The following SOX5 variants were observed in gnomAD, a reference collection of about 807,000 sequenced individuals.
SOX5 encodes the protein SRY-box transcription factor 5.
Under a neutral mutation model 92.0 loss-of-function variants are expected in SOX5, and 9 were observed. The ratio of observed to expected loss-of-function variants is 0.10; its 90% CI spans 0.06 to 0.17. SOX5 has a LOEUF of 0.17. Among genes scored for constraint, SOX5 ranks in the 10% least tolerant of loss-of-function variants. SOX5 has a pLI of 1.00. For synonymous variants in SOX5, 344 were observed against 336.3 expected (o/e 1.02, Z -0.25); for missense variants, 642 against 944.5 (o/e 0.68, Z 4.20).
intron 4 of SOX5, among the ~76,000 whole-genome samples, chr12:24,179,088 A>G (rs1370460402): frequency 6.6e-6 from 1 of 152,240 alleles, no homozygotes; most frequent in Non-Finnish European, 1.5e-5. Flanking sequence ...CTCTAATTAG[A>G]TATCTCAAAT....
chr12:24,349,710 T>G (rs1953827612), intron 2 of SOX5, among the ~76,000 whole-genome samples: 1 of 152,236 alleles, frequency 6.6e-6, no homozygotes, highest in South Asian at 2.1e-4. Context: ...GCCTCTACTT[T>G]TAGCTATTGT....
At chr12:23,637,928 A>G (rs1342183063) in intron 8 of SOX5, 1 of 152,376 alleles carries the variant, frequency 6.6e-6, no homozygotes, top group Non-Finnish European at 1.5e-5. Context: ...ACTGCGATGT[A>G]CTACCACCAC....
At chr12:23,804,845 A>C (rs1332602782) in intron 3 of SOX5, among the ~76,000 whole-genome samples, 1 of 147,212 alleles carries the variant, frequency 6.8e-6, no homozygotes, top group African/African-American at 2.5e-5. Context: ...TGATTACGAT[A>C]TCTGTACCTT....
intron 6 of SOX5, among the ~76,000 whole-genome samples, chr12:23,727,921 C>A (rs1211558205): frequency 1.3e-5 from 2 of 152,088 alleles, no homozygotes; most frequent in East Asian, 3.9e-4. Flanking sequence ...AATATATACA[C>A]CTGTCAATCC....
intron 4 of SOX5, among the ~76,000 whole-genome samples, chr12:24,109,732 A>G (rs190184589): frequency 6.6e-6 from 1 of 152,344 alleles, no homozygotes; most frequent in Admixed American, 6.5e-5. Flanking sequence ...AACAATGAAA[A>G]TCATTTCAAC....
chr12:24,531,417 A>G (rs1951186505), intron 1 of SOX5, among the ~76,000 whole-genome samples: 1 of 152,170 alleles, frequency 6.6e-6, no homozygotes, highest in Non-Finnish European at 1.5e-5. Flanking sequence ...AAATGGACAC[A>G]TTTTTGCATG....
chr12:24,145,956 A>T (rs775441570), intron 4 of SOX5, among the ~76,000 whole-genome samples: 2 of 152,230 alleles, frequency 1.3e-5, no homozygotes, highest in African/African-American at 4.8e-5. Flanking sequence ...TTAAACATCT[A>T]TGAATGAGAT....
At chr12:24,251,585 T>C (rs1940061500) in intron 3 of SOX5, among the ~76,000 whole-genome samples, 2 of 151,514 alleles carry the variant, frequency 1.3e-5, no homozygotes, top group South Asian at 2.1e-4. Flanking sequence ...TTTTTTTTTT[T>C]CTTCAGATGA....
intron 4 of SOX5, among the ~76,000 whole-genome samples, chr12:24,117,974 G>A (rs965644617): frequency 6.8e-6 from 1 of 147,042 alleles, no homozygotes; most frequent in African/African-American, 2.5e-5. Flanking sequence ...AGCCCAGATG[G>A]TGCCACCGCA....
intron 4 of SOX5, among the ~76,000 whole-genome samples, chr12:23,745,728 C>T (rs552835734): frequency 4.6e-5 from 7 of 152,020 alleles, no homozygotes; most frequent in South Asian, 2.1e-4. Flanking sequence ...CTGATTTCCA[C>T]GGATAACATT....
rs894279426 is a variant in SOX5, at chr12:23,740,950, G to A, written c.658C>T (p.His220Tyr). 6.2e-7 allele frequency: 1 copy of A among 1,612,276 alleles called. No homozygotes were observed. Among genetic ancestry groups the A allele is most frequent in the Non-Finnish European group, 8.5e-7 (1 of 1,178,922 alleles). ...TSLREQLLAA[H>Y]DEQKKLAASQ... Reference sequence around the variant, plus strand: ...GCAGCTAGTTTCTTCTGCTCATCGTGGGCAGCCAACAGCTGCTCTCGGAGG... The same window carrying A: ...GCAGCTAGTTTCTTCTGCTCATCGTAGGCAGCCAACAGCTGCTCTCGGAGG... Residue 220 changes from histidine to tyrosine, a missense_variant, in exon 5 of 15, where the codon CAC (histidine) becomes TAC (tyrosine). By Grantham distance (83) the His-to-Tyr change is moderately conservative. Around this residue, in one of 8 missense-constraint regions of SOX5, gnomAD observed 324 missense variants for 461.6 expected, o/e 0.70. Transcript: ENST00000451604.
At chr12:24,196,894 C>T (rs995930293) in intron 4 of SOX5, among the ~76,000 whole-genome samples, 4 of 152,074 alleles carry the variant, frequency 2.6e-5, no homozygotes, top group Admixed American at 6.6e-5. Flanking sequence ...CAGAGCTAAA[C>T]CCTGTCTTGA....
intron 4 of SOX5, among the ~76,000 whole-genome samples, chr12:23,993,915 GCA>G: frequency 1.3e-5 from 2 of 151,522 alleles, no homozygotes; most frequent in African/African-American, 4.9e-5. Flanking sequence ...ATGTATGTAT[GCA>G]TGTATGCATG....
chr12:23,942,264 A>C (rs1435688293), intron 1 of SOX5, among the ~76,000 whole-genome samples: 1 of 151,868 alleles, frequency 6.6e-6, no homozygotes, highest in Non-Finnish European at 1.5e-5. Flanking sequence ...TAAATATAAA[A>C]TAGCTTAAAA....
intron 4 of SOX5, among the ~76,000 whole-genome samples, 168 bp downstream of exon 4, chr12:23,755,470 T>C (rs1277162739): frequency 6.6e-6 from 1 of 151,694 alleles, no homozygotes; most frequent in Non-Finnish European, 1.5e-5. Flanking sequence ...AAAGAAAGAA[T>C]ATAAGAACCC....
At chr12:23,571,431 A>C (rs949341310) in intron 10 of SOX5, among the ~76,000 whole-genome samples, 3 of 152,180 alleles carry the variant, frequency 2.0e-5, no homozygotes, top group Non-Finnish European at 4.4e-5. Context: ...GCTAGGAAAA[A>C]GACTGTAGGC....
chr12:24,073,244 C>T (rs1942038123), intron 4 of SOX5, among the ~76,000 whole-genome samples: 1 of 152,144 alleles, frequency 6.6e-6, no homozygotes, highest in Admixed American at 6.5e-5. Context: ...AACATGAGTT[C>T]ACCTGGATCC....
chr12:24,367,067 A>C (rs1444943008), intron 2 of SOX5, among the ~76,000 whole-genome samples: 1 of 152,160 alleles, frequency 6.6e-6, no homozygotes, highest in East Asian at 1.9e-4. Flanking sequence ...ATTTTGCTTA[A>C]GTATCTTTAG....
At chr12:23,557,848 C>T (rs1474968345) in intron 11 of SOX5, among the ~76,000 whole-genome samples, 2 of 152,060 alleles carry the variant, frequency 1.3e-5, no homozygotes, top group South Asian at 2.1e-4. Context: ...TTGTGGCACA[C>T]GCCTGTAGTC....
Sources: allele counts gnomAD v4.1 joint callset (sites outside exome capture counted in the v4.1 genomes callset), GRCh38; gene constraint gnomAD v4.1.1; regional missense constraint gnomAD v4.1.1; transcripts MANE v1.5; gene names NCBI Gene and HGNC (gene_info 2026-07-23, HGNC 2026-07-21).